Variants in MNAT1 observed in about 807,000 individuals in gnomAD.
The protein encoded by MNAT1 is CDK-activating kinase assembly factor MAT1.
A neutral mutation model predicts 42.0 loss-of-function variants in MNAT1; 43 were observed. The observed-to-expected ratio is 1.02, with a 90% CI of 0.80 to 1.32. The LOEUF (loss-of-function observed/expected upper bound fraction) is 1.32. Ranked by LOEUF, MNAT1 falls within the 40% of genes most tolerant of loss-of-function variation. MNAT1 has a pLI of 0.00. For synonymous variants in MNAT1, 118 were observed against 120.0 expected, an observed-to-expected ratio of 0.98 and a Z score of 0.11; for missense variants, 306 against 350.4, an observed-to-expected ratio of 0.87 and a Z score of 1.01.
chr14:60,936,161 C>G (rs142267042), intron 7 of MNAT1, among the ~76,000 whole-genome samples: 291 of 152,230 alleles, frequency 1.9e-3, no homozygotes, highest in African/African-American at 6.7e-3. Flanking sequence ...CTCATCTGCA[C>G]GAAAGCATCT....
At chr14:60,824,364 C>T (rs1365647118) in intron 6 of MNAT1, among the ~76,000 whole-genome samples, 1 of 152,120 alleles carries the variant, frequency 6.6e-6, no homozygotes, top group Non-Finnish European at 1.5e-5. Flanking sequence ...TTATAAACAT[C>T]TTGAGGGCAG....
chr14:60,775,441 G>A (rs544938299), intron 1 of MNAT1, among the ~76,000 whole-genome samples: 37 of 152,270 alleles, frequency 2.4e-4, no homozygotes, highest in South Asian at 1.2e-3. Flanking sequence ...GCTGTGAATG[G>A]GAATGGGGAA....
intron 7 of MNAT1, among the ~76,000 whole-genome samples, chr14:60,958,499 C>G (rs1226636624): frequency 6.6e-6 from 1 of 151,974 alleles, no homozygotes; most frequent in Non-Finnish European, 1.5e-5. Context: ...GAAGTCTTCT[C>G]TGGGTTGAAT....
intron 6 of MNAT1, among the ~76,000 whole-genome samples, chr14:60,822,690 C>T (rs527920072): frequency 1.7e-4 from 25 of 150,788 alleles, no homozygotes; most frequent in African/African-American, 5.6e-4. Flanking sequence ...AATCTTGGAA[C>T]GCCTCAGCCT....
rs1198533128 is a variant in MNAT1, at chr14:60,930,779, A to C, written c.810-37450A>C. On this transcript the variant is annotated intron_variant, in intron 7 of 7. Coordinates refer to ENST00000261245, the MANE Select transcript of MNAT1 (RefSeq NM_002431.4). ...CTGACTGGAGCACAGGGTTTGTAACATAAAGTGACAAGAAACTAGTTAGGA... is the reference window on the plus strand; with the variant it reads ...CTGACTGGAGCACAGGGTTTGTAACCTAAAGTGACAAGAAACTAGTTAGGA... 1.2e-4 allele frequency among the ~76,000 whole-genome samples: 18 copies of C among 152,212 alleles called. 1 individual carries two copies. Among genetic ancestry groups the C allele is most frequent in the Admixed American group, 1.2e-3 (18 of 15,286 alleles).
At chr14:60,959,484 TG>T (rs2036548914) in intron 7 of MNAT1, among the ~76,000 whole-genome samples, 1 of 151,488 alleles carries the variant, frequency 6.6e-6, no homozygotes. Context: ...CCTGAAAGTC[TG>T]GGGAAGCTGC....
chr14:60,902,186 G>C (rs2035084960), intron 7 of MNAT1, among the ~76,000 whole-genome samples: 1 of 152,176 alleles, frequency 6.6e-6, no homozygotes, highest in Non-Finnish European at 1.5e-5. Context: ...ATTAGGACTA[G>C]CCGATGGCCC....
intron 7 of MNAT1, among the ~76,000 whole-genome samples, chr14:60,957,538 T>C: frequency 6.6e-6 from 1 of 152,212 alleles, no homozygotes; most frequent in African/African-American, 2.4e-5. Context: ...ATTTACCTCC[T>C]ACTAGGTCCC....
intron 6 of MNAT1, among the ~76,000 whole-genome samples, chr14:60,858,330 G>A (rs2034011478): frequency 6.6e-6 from 1 of 151,734 alleles, no homozygotes; most frequent in Non-Finnish European, 1.5e-5. Flanking sequence ...GACCAGTGAT[G>A]ATGAGCTTTT....
In MNAT1 at chr14:60,841,119, T is replaced by TTC. The variant is rs975332662; in HGVS notation, c.687+22286_687+22287dup. 6.0e-5 allele frequency among the ~76,000 whole-genome samples: 9 copies of TTC among 151,182 alleles called. No homozygotes were observed. The East Asian group carries it at 9.8e-4, about 16-fold the overall frequency. On this transcript the variant is annotated intron_variant, in intron 6 of 7. Coordinates refer to ENST00000261245, the MANE Select transcript of MNAT1 (RefSeq NM_002431.4). ...TTAAAATTTCCTGTTTTCTTACTGA[T>TTC]TCTCTCTCTCTCTCTTTCTCTCTCT...
chr14:60,879,645 A>G, intron 6 of MNAT1, 69 bp from the exon 7 acceptor site: 2 of 1,435,544 alleles, frequency 1.4e-6, no homozygotes, highest in Non-Finnish European at 1.9e-6. Flanking sequence ...CATCTTTAAA[A>G]TGATTATAAA....
intron 7 of MNAT1, among the ~76,000 whole-genome samples, chr14:60,936,693 C>T (rs2036005254): frequency 6.6e-6 from 1 of 152,136 alleles, no homozygotes; most frequent in Non-Finnish European, 1.5e-5. Flanking sequence ...CATACATGTG[C>T]ATGTGCCTTT....
intron 7 of MNAT1, among the ~76,000 whole-genome samples, chr14:60,894,264 T>A (rs1004414016): frequency 1.3e-5 from 2 of 151,942 alleles, no homozygotes; most frequent in African/African-American, 4.8e-5. Context: ...TCCGTAGCAG[T>A]GGAGGCTTGG....
At chr14:60,876,828 T>G (rs1375461852) in intron 6 of MNAT1, among the ~76,000 whole-genome samples, 1 of 152,096 alleles carries the variant, frequency 6.6e-6, no homozygotes, top group Non-Finnish European at 1.5e-5. Context: ...TATTCATTTA[T>G]TCCTTGATGG....
intron 1 of MNAT1, among the ~76,000 whole-genome samples, chr14:60,750,038 C>A (rs565701485): frequency 2.6e-5 from 4 of 152,138 alleles, no homozygotes; most frequent in African/African-American, 9.6e-5. Context: ...ATTTCTGGGC[C>A]CTACCATAGT....
At chr14:60,804,562 G>C (rs1202598435) in intron 3 of MNAT1, among the ~76,000 whole-genome samples, 2 of 151,882 alleles carry the variant, frequency 1.3e-5, no homozygotes, top group Non-Finnish European at 2.9e-5. Context: ...GTCTCACTCT[G>C]TCTCCCAGGC....
chr14:60,825,045 A>G lies in MNAT1; in HGVS notation c.687+6198A>G, dbSNP rs929157479. On this transcript the variant is annotated intron_variant, in intron 6 of 7. Coordinates refer to ENST00000261245, the MANE Select transcript of MNAT1 (RefSeq NM_002431.4). ...GGAAAAAAACAAGCCACAAAGTGAC[A>G]AAAGTTATTTACAACATATGTAACT... Among the ~76,000 whole-genome samples, 6 of 152,306 alleles carry G rather than the reference A, an allele frequency of 3.9e-5. No individual in the cohort carries two copies. The South Asian group carries it at 8.3e-4, about 21-fold the overall frequency.
chr14:60,783,986 G>A (rs1404263694), intron 1 of MNAT1, among the ~76,000 whole-genome samples: 1 of 151,532 alleles, frequency 6.6e-6, no homozygotes, highest in Admixed American at 6.6e-5. Context: ...ACTATGCCCA[G>A]CTAATTTACT....
chr14:60,805,649 A>G (rs1306802735), intron 3 of MNAT1, among the ~76,000 whole-genome samples: 2 of 152,220 alleles, frequency 1.3e-5, no homozygotes. Flanking sequence ...TATAGTTGGA[A>G]TCATACAGTA....
Sources: allele counts gnomAD v4.1 joint callset (sites outside exome capture counted in the v4.1 genomes callset), GRCh38; gene constraint gnomAD v4.1.1; transcripts MANE v1.5; gene names NCBI Gene and HGNC (gene_info 2026-07-23, HGNC 2026-07-21).